ETV6: variants seen among roughly 807,000 people sequenced by gnomAD.
ETV6 encodes transcription factor ETV6.
Under a neutral mutation model 51.1 loss-of-function variants are expected in ETV6, and 16 were observed. The observed-to-expected ratio is 0.31, with a 90% CI of 0.21 to 0.48. The LOEUF is 0.48. Among genes scored for constraint, ETV6 ranks in the 20% least tolerant of loss-of-function variants. The pLI, the probability that ETV6 is intolerant of heterozygous loss-of-function variation, is 0.99. For missense variants in ETV6, 458 were observed against 594.8 expected, an observed-to-expected ratio of 0.77 and a Z score of 2.39; for synonymous variants, 240 against 224.1, an observed-to-expected ratio of 1.07 and a Z score of -0.64.
chr12:11,650,507 A>C (rs960660231), intron 1 of ETV6, among the ~76,000 whole-genome samples: 9 of 147,426 alleles, frequency 6.1e-5, no homozygotes, highest in African/African-American at 2.2e-4. Flanking sequence ...AAAAAACAAA[A>C]AAAAAAAACC....
chr12:11,669,373 T>TCCCTCCCTCCATCCCTCCCTCCCTCCCTC (rs1864262418), intron 1 of ETV6, among the ~76,000 whole-genome samples: 5 of 129,438 alleles, frequency 3.9e-5, no homozygotes, highest in Non-Finnish European at 8.1e-5. Context: ...CTTCCTCCCT[T>TCCCTCCCTCCATCCCTCCCTCCCTCCCTC]CCTCCCTCCC....
chr12:11,875,004 C>A (rs948055201), intron 5 of ETV6, among the ~76,000 whole-genome samples: 1 of 150,754 alleles, frequency 6.6e-6, no homozygotes, highest in African/African-American at 2.4e-5. Flanking sequence ...ATGTAACAAA[C>A]CTGCACATTG....
chr12:11,694,026 G>A (rs1864824496), intron 1 of ETV6, among the ~76,000 whole-genome samples: 1 of 152,246 alleles, frequency 6.6e-6, no homozygotes, highest in South Asian at 2.1e-4. Flanking sequence ...GGATGGAGTT[G>A]TACCAAATAA....
At chr12:11,879,548 A>G (rs1947054679) in intron 5 of ETV6, among the ~76,000 whole-genome samples, 1 of 152,220 alleles carries the variant, frequency 6.6e-6, no homozygotes, top group African/African-American at 2.4e-5. Context: ...ATTTTTTACA[A>G]TGCCTTTAGC....
At chr12:11,662,196 G>A (rs1209441205) in intron 1 of ETV6, among the ~76,000 whole-genome samples, 2 of 152,148 alleles carry the variant, frequency 1.3e-5, no homozygotes, top group Non-Finnish European at 2.9e-5. Flanking sequence ...CTTATCTTTT[G>A]GGTGCAAGGC....
intron 1 of ETV6, among the ~76,000 whole-genome samples, chr12:11,737,037 G>A (rs1205359588): frequency 6.6e-6 from 1 of 152,220 alleles, no homozygotes; most frequent in Non-Finnish European, 1.5e-5. Context: ...GGGTGTGTGG[G>A]AGGGCCTGGG....
rs1469476683 is a variant in ETV6, at chr12:11,894,127, A to C, written c.*3081A>C. The C allele has an allele frequency of 4.3e-6, 1 of 230,866 alleles. No individual in the cohort carries two copies. The highest frequency in any genetic ancestry group is 6.1e-5 in the East Asian group (1 of 16,316). The allele number at this position is 230,866 out of a possible 1,614,324, so 14.3% of individuals were successfully genotyped here. ...TGAAGCACCTGCTGGACACTGAGGG[A>C]CCCAAAGCTCAATCAGCCATAATCC... On this transcript the variant is annotated 3_prime_UTR_variant, in exon 8 of 8. Transcript: ENST00000396373.
rs996925580 is a variant in ETV6, at chr12:11,649,873, C to A, written c.-255C>A. 1 of 150,534 alleles carries A rather than the reference C, an allele frequency of 6.6e-6. No homozygotes were observed. The highest frequency in any genetic ancestry group is 1.8e-4 in the South Asian group (1 of 5,584). 9.3% of individuals were successfully genotyped at this position (150,534 alleles called of 1,614,324 possible). A position where few individuals can be genotyped will look rare whatever the true frequency, so the allele number is the denominator to read the frequency against. ...CGGGCTGCGTCCCGGGTCCCCGCGC[C>A]GCGCCGCGACCTGCAGACCCCGCCG... On this transcript the variant is annotated 5_prime_UTR_variant, in exon 1 of 8. Coordinates refer to ENST00000396373, the MANE Select transcript of ETV6 (RefSeq NM_001987.5).
intron 2 of ETV6, among the ~76,000 whole-genome samples, chr12:11,788,046 CTCA>C (rs1394942168): frequency 1.3e-5 from 2 of 152,152 alleles, no homozygotes; most frequent in African/African-American, 2.4e-5. Flanking sequence ...GAGTCCAGCC[CTCA>C]TCCATCATGC....
At chr12:11,840,501 G>A (rs757378338) in intron 3 of ETV6, 1 of 455,970 alleles carries the variant, frequency 2.2e-6, no homozygotes, top group Non-Finnish European at 4.4e-6. Flanking sequence ...CGAGGATCCT[G>A]CAGAAGGTCT....
At chr12:11,837,722 A>G (rs559691699) in intron 2 of ETV6, among the ~76,000 whole-genome samples, 1 of 152,366 alleles carries the variant, frequency 6.6e-6, no homozygotes, top group South Asian at 2.1e-4. Flanking sequence ...AGCTCCTCTT[A>G]GCAACACTGA....
intron 1 of ETV6, among the ~76,000 whole-genome samples, chr12:11,701,034 C>A (rs1864970315): frequency 1.3e-5 from 2 of 151,234 alleles, no homozygotes; most frequent in South Asian, 4.2e-4. Flanking sequence ...TAAACAAATT[C>A]AAAGCCACTG....
intron 5 of ETV6, among the ~76,000 whole-genome samples, chr12:11,880,936 TC>T (rs941218102): frequency 3.1e-4 from 47 of 152,204 alleles, no homozygotes; most frequent in Non-Finnish European, 4.6e-4. Flanking sequence ...TTTACTGGCT[TC>T]TTTTCCCCCT....
At chr12:11,838,431 G>A (rs762617124) in intron 2 of ETV6, among the ~76,000 whole-genome samples, 19 of 152,032 alleles carry the variant, frequency 1.2e-4, no homozygotes, top group Non-Finnish European at 2.4e-4. Flanking sequence ...CCCCCCTCCT[G>A]CCCACTTGGT....
intron 1 of ETV6, among the ~76,000 whole-genome samples, chr12:11,704,769 A>T (rs1767742714): frequency 6.6e-6 from 1 of 151,428 alleles, no homozygotes; most frequent in Non-Finnish European, 1.5e-5. Flanking sequence ...CCATTCTCAC[A>T]GGGGTTTGTG....
Position 11,716,330 on chromosome 12 carries a change from C to CAA in ETV6, c.34-36091_34-36090dup, listed in dbSNP as rs3049068. Among the ~76,000 whole-genome samples the CAA allele has an allele frequency of 2.0e-3, 118 of 58,116 alleles. 5 individuals are homozygous for CAA. The highest frequency in any genetic ancestry group is 5.4e-3 in the African/African-American group (87 of 16,010). The allele number at this position is 58,116 out of a possible 152,430, so 38.1% of individuals were successfully genotyped here. A position where few individuals can be genotyped will look rare whatever the true frequency, so the allele number is the denominator to read the frequency against. ...TGGGCGACAGAGCAAGACTCCTTCTCAAAAAAAAAAAAAAAAAAAAAAAAA... is the reference window on the plus strand; with the variant it reads ...TGGGCGACAGAGCAAGACTCCTTCTCAAAAAAAAAAAAAAAAAAAAAAAAAAA... On this transcript the variant is annotated intron_variant, in intron 1 of 7. Coordinates refer to ENST00000396373, the MANE Select transcript of ETV6 (RefSeq NM_001987.5).
intron 3 of ETV6, among the ~76,000 whole-genome samples, chr12:11,842,703 C>T (rs550271526): frequency 6.6e-6 from 1 of 152,304 alleles, no homozygotes; most frequent in South Asian, 2.1e-4. Context: ...GATTGGAGCT[C>T]TCTTTTTGCA....
chr12:11,832,617 G>A (rs1272026932), intron 2 of ETV6, among the ~76,000 whole-genome samples: 2 of 152,246 alleles, frequency 1.3e-5, no homozygotes, highest in Non-Finnish European at 2.9e-5. Context: ...CATGTTACGA[G>A]TGGAAGACAT....
chr12:11,650,490 AAAAAAC>A (rs1478190441), intron 1 of ETV6, among the ~76,000 whole-genome samples: 9 of 63,372 alleles, frequency 1.4e-4, no homozygotes, highest in East Asian at 4.1e-4. Context: ...TTAAAAAAAA[AAAAAAC>A]AAAAAACAAA....
Sources: allele counts gnomAD v4.1 joint callset (sites outside exome capture counted in the v4.1 genomes callset), GRCh38; gene constraint gnomAD v4.1.1; transcripts MANE v1.5; gene names NCBI Gene and HGNC (gene_info 2026-07-23, HGNC 2026-07-21).